Variants in ATP2C1 observed in about 807,000 individuals in gnomAD.
ATP2C1 encodes the protein ATPase secretory pathway Ca2+ transporting 1.
Under a neutral mutation model 120.5 loss-of-function variants are expected in ATP2C1, and 31 were observed. That is an observed-to-expected ratio of 0.26 (90% CI 0.19 to 0.35). ATP2C1 has a LOEUF of 0.35. Ranked by LOEUF, ATP2C1 falls within the 10% of genes least tolerant of loss-of-function variation. The pLI is 1.00. For synonymous variants in ATP2C1, 351 were observed against 358.7 expected (o/e 0.98, Z 0.24); for missense variants, 731 against 1,107.5 (o/e 0.66, Z 4.83).
At chr3:130,934,288 CCTG>C (rs1428711450) in intron 4 of ATP2C1, among the ~76,000 whole-genome samples, 1 of 152,104 alleles carries the variant, frequency 6.6e-6, no homozygotes, top group East Asian at 1.9e-4. Flanking sequence ...ATCATCTTCT[CCTG>C]CTTTTTCTAG....
At position 130,894,150 on chromosome 3, in the gene ATP2C1, CCCCTCCCCGCCCGCCCTCTCT is replaced by C; in HGVS notation, c.-360_-340del. ...CGGGTCCCCTCACCTCCTCTTCTCTCCCCTCCCCGCCCGCCCTCTCTCCCTCCCTTCCTCCCTCCCGCTCGC... is the reference window on the plus strand; with the variant it reads ...CGGGTCCCCTCACCTCCTCTTCTCTCCCCTCCCTTCCTCCCTCCCGCTCGC... On this transcript the variant is annotated 5_prime_UTR_variant, in exon 1 of 28. Transcript: ENST00000510168. This position sits in a 1 kb window ranked among gnomAD's most constrained non-coding sequence, Gnocchi z 4.5. The C allele has an allele frequency of 3.1e-6, 1 of 322,802 alleles. No individual in the cohort carries two copies. Among genetic ancestry groups the C allele is most frequent in the Non-Finnish European group, 4.4e-6 (1 of 224,892 alleles). 20.0% of individuals were successfully genotyped at this position (322,802 alleles called of 1,614,324 possible).
At chr3:130,876,231 T>A (rs902847075) in intron 1 of ATP2C1, among the ~76,000 whole-genome samples, 2 of 152,118 alleles carry the variant, frequency 1.3e-5, no homozygotes, top group African/African-American at 4.8e-5. Flanking sequence ...TTTTCCCTGT[T>A]TTCTTCTAGT....
intron 17 of ATP2C1, among the ~76,000 whole-genome samples, chr3:130,972,879 C>G (rs1178728176): frequency 6.6e-6 from 1 of 151,574 alleles, no homozygotes; most frequent in Non-Finnish European, 1.5e-5. Context: ...TGGAGAAAAT[C>G]TTTAGTATGA....
At chr3:130,995,400 G>A (rs1315285818) in intron 22 of ATP2C1, among the ~76,000 whole-genome samples, 4 of 150,008 alleles carry the variant, frequency 2.7e-5, no homozygotes, top group Non-Finnish European at 5.9e-5. Flanking sequence ...GGGAAGCAGG[G>A]CAAGACCCTG....
chr3:130,931,430 T>G (rs1301446931), intron 3 of ATP2C1, among the ~76,000 whole-genome samples: 1 of 152,112 alleles, frequency 6.6e-6, no homozygotes, highest in Non-Finnish European at 1.5e-5. Flanking sequence ...CATGAAATAA[T>G]TACACAGTCC....
chr3:130,877,403 A>C (rs922320794), intron 1 of ATP2C1, among the ~76,000 whole-genome samples: 1 of 152,226 alleles, frequency 6.6e-6, no homozygotes, highest in African/African-American at 2.4e-5. Flanking sequence ...ACAAAGGGCT[A>C]ATATCCAGAA....
intron 2 of ATP2C1, chr3:130,919,164 G>C (rs993567889): frequency 4.3e-5 from 11 of 256,956 alleles, no homozygotes; most frequent in African/African-American, 2.4e-5. Flanking sequence ...AGCTAGAGAG[G>C]CTGGGCTGGA....
intron 1 of ATP2C1, among the ~76,000 whole-genome samples, chr3:130,878,287 T>TA (rs1178536193): frequency 1.3e-5 from 2 of 152,218 alleles, no homozygotes; most frequent in African/African-American, 4.8e-5. Context: ...TAAAGTATAA[T>TA]AAAAAAATCA....
chr3:130,986,756 T>A (rs763303686), intron 20 of ATP2C1, among the ~76,000 whole-genome samples: 2 of 152,186 alleles, frequency 1.3e-5, no homozygotes, highest in Non-Finnish European at 2.9e-5. Context: ...TTTGTCTCAT[T>A]AGGTTAGCAG....
intron 18 of ATP2C1, among the ~76,000 whole-genome samples, chr3:130,977,014 T>C (rs2061553380): frequency 6.6e-6 from 1 of 152,136 alleles, no homozygotes; most frequent in African/African-American, 2.4e-5. Flanking sequence ...CCCCTTACAC[T>C]CCTCAACTTT....
intron 2 of ATP2C1, chr3:130,918,307 T>G: frequency 5.8e-6 from 9 of 1,562,012 alleles, no homozygotes; most frequent in Non-Finnish European, 7.9e-6. Flanking sequence ...TACAATAGAT[T>G]TCACCTTCTT....
At position 130,884,756 on chromosome 3, in the gene ATP2C1, CTTCT is replaced by C. The variant is rs1025221899; in HGVS notation, c.108+33831_108+33834del. Reference sequence around the variant, plus strand: ...GACCTCTTTATCATTATATGATGACCTTCTTTGTCTCTTCTTATAGTTTTTGTCA... The same window carrying C: ...GACCTCTTTATCATTATATGATGACCTTGTCTCTTCTTATAGTTTTTGTCA... On this transcript the variant is annotated intron_variant, in intron 1 of 26. Transcript: ENST00000504381. 3.8e-4 allele frequency among the ~76,000 whole-genome samples: 58 copies of C among 151,956 alleles called. 1 individual carries two copies. Among genetic ancestry groups the C allele is most frequent in the African/African-American group, 1.4e-3 (56 of 41,368 alleles).
intron 20 of ATP2C1, among the ~76,000 whole-genome samples, chr3:130,990,073 G>T (rs1404283180): frequency 2.6e-5 from 4 of 152,148 alleles, no homozygotes; most frequent in Admixed American, 6.5e-5. Flanking sequence ...TTTTGTTTAA[G>T]AAAATAATAC....
intron 10 of ATP2C1, among the ~76,000 whole-genome samples, chr3:130,955,477 A>G (rs762804425): frequency 1.3e-5 from 2 of 152,234 alleles, no homozygotes; most frequent in Non-Finnish European, 2.9e-5. Context: ...AAGATTGCCA[A>G]GTAAAATAAC....
At chr3:130,975,118 T>G (rs1449989073) in intron 17 of ATP2C1, among the ~76,000 whole-genome samples, 1 of 152,172 alleles carries the variant, frequency 6.6e-6, no homozygotes, top group African/African-American at 2.4e-5. Context: ...TTGCCTTTTA[T>G]GTGTGGGATG....
chr3:130,870,812 G>A (rs773462168), intron 1 of ATP2C1, among the ~76,000 whole-genome samples: 5 of 152,236 alleles, frequency 3.3e-5, no homozygotes, highest in Non-Finnish European at 5.9e-5. Flanking sequence ...CAGGGTTTGA[G>A]AGGACTGACT....
chr3:130,953,906 C>A lies in ATP2C1; in HGVS notation c.617C>A (p.Thr206Asn). The A allele has an allele frequency of 6.2e-7, 1 of 1,614,008 alleles. No homozygotes were observed. Among genetic ancestry groups the A allele is most frequent in the South Asian group, 1.1e-5 (1 of 91,088 alleles). The change falls in exon 9 of 28, where the codon ACT becomes AAT. Residue 206 changes from threonine (T) to asparagine (N), a missense_variant. Physicochemically the swap from Thr to Asn is moderately conservative, Grantham distance 65. Around this residue, in one of 3 missense-constraint regions of ATP2C1, gnomAD observed 571 missense variants for 845.9 expected, o/e 0.67. Transcript: ENST00000510168. ...SKVTAPQPAA[T>N]NGDLASRSNI... is the part of the protein sequence containing the mutation. Reference sequence around the variant, plus strand: ...GTGACAGCTCCTCAGCCAGCTGCAACTAATGGAGATCTTGCATCGAGAAGT... The same window carrying A: ...GTGACAGCTCCTCAGCCAGCTGCAAATAATGGAGATCTTGCATCGAGAAGT...
At chr3:130,974,952 A>C (rs1315770002) in intron 17 of ATP2C1, among the ~76,000 whole-genome samples, 1 of 152,232 alleles carries the variant, frequency 6.6e-6, no homozygotes, top group African/African-American at 2.4e-5. Context: ...GATTGGGAGA[A>C]TTAAATGGTG....
chr3:130,850,768 C>T, exon 1 of ATP2C1: 1 of 855,576 alleles, frequency 1.2e-6, no homozygotes. Flanking sequence ...TTTCTAATTT[C>T]ATATGGTTGC....
Sources: allele counts gnomAD v4.1 joint callset (sites outside exome capture counted in the v4.1 genomes callset), GRCh38; gene constraint gnomAD v4.1.1; regional missense constraint gnomAD v4.1.1; non-coding constraint Gnocchi (gnomAD v3.1); transcripts MANE v1.5; gene names NCBI Gene and HGNC (gene_info 2026-07-23, HGNC 2026-07-21).